Variants in FRMD4A observed in about 807,000 individuals in gnomAD.
The protein encoded by FRMD4A is FERM domain containing 4A.
In FRMD4A, 29 loss-of-function variants were observed where a neutral mutation model predicts 129.1. The observed-to-expected ratio is 0.22, with a 90% CI of 0.17 to 0.31. FRMD4A has a LOEUF of 0.31. FRMD4A is among the 10% of genes least tolerant of loss of function. The pLI, the probability that FRMD4A is intolerant of heterozygous loss-of-function variation, is 1.00. For synonymous variants in FRMD4A, 634 were observed against 571.6 expected (o/e 1.11, Z -1.56); for missense variants, 1,272 against 1,375.8 (o/e 0.92, Z 1.19).
chr10:13,698,100 G>T (rs2086407605), intron 14 of FRMD4A, among the ~76,000 whole-genome samples: 2 of 152,004 alleles, frequency 1.3e-5, no homozygotes, highest in South Asian at 4.2e-4. Context: ...GGGAGGGAGG[G>T]AGAGACAGGC....
At chr10:13,767,491 G>C (rs149576645) in intron 6 of FRMD4A, among the ~76,000 whole-genome samples, 1 of 152,126 alleles carries the variant, frequency 6.6e-6, no homozygotes, top group East Asian at 1.9e-4. Context: ...CACCCACCTC[G>C]GCTTCCCAAA....
In FRMD4A at chr10:13,987,314, C is replaced by G. The variant is rs1474728546; in HGVS notation, c.46-128402G>C. 3.9e-5 allele frequency among the ~76,000 whole-genome samples: 6 copies of G among 151,970 alleles called. No homozygotes were observed. In the South Asian group the frequency reaches 8.3e-4, roughly 21 times the overall value. On this transcript the variant is annotated intron_variant, in intron 2 of 24. Coordinates refer to ENST00000357447, the MANE Select transcript of FRMD4A (RefSeq NM_018027.5). ...CCATATGCAGAATGGAAAATCGACT[C>G]TTAAGAAACTTCCACCCAACTTTTT...
In FRMD4A at chr10:13,943,625, C is replaced by T. The variant is rs576538193; in HGVS notation, c.46-84713G>A. Among the ~76,000 whole-genome samples the T allele has an allele frequency of 4.0e-4, 43 of 106,732 alleles. 1 individual carries two copies. In the Middle Eastern group the frequency reaches 0.042, roughly 103 times the overall value. The allele number at this position is 106,732 out of a possible 152,430, so 70.0% of individuals were successfully genotyped here. A position where few individuals can be genotyped will look rare whatever the true frequency, so the allele number is the denominator to read the frequency against. On this transcript the variant is annotated intron_variant, in intron 2 of 24. Coordinates refer to ENST00000357447, the MANE Select transcript of FRMD4A (RefSeq NM_018027.5). Reference sequence around the variant, plus strand: ...ATCACACCACTGCACTCCAGCCTGGCGACAGAGCAAGACTCTGTCTCAAAA... The same window carrying T: ...ATCACACCACTGCACTCCAGCCTGGTGACAGAGCAAGACTCTGTCTCAAAA...
At chr10:14,232,184 G>C (rs1000672804) in intron 2 of FRMD4A, among the ~76,000 whole-genome samples, 9 of 152,108 alleles carry the variant, frequency 5.9e-5, no homozygotes, top group Non-Finnish European at 1.2e-4. Flanking sequence ...TATTGAATAG[G>C]GAATCCTTTT....
At chr10:13,750,415 G>A (rs377482779) in intron 8 of FRMD4A, among the ~76,000 whole-genome samples, 9 of 152,300 alleles carry the variant, frequency 5.9e-5, no homozygotes, top group African/African-American at 1.7e-4. Context: ...AGGTGCCCAC[G>A]ATTTAGCTGA....
At chr10:13,766,918 C>T (rs1342228573) in intron 6 of FRMD4A, among the ~76,000 whole-genome samples, 2 of 152,078 alleles carry the variant, frequency 1.3e-5, no homozygotes, top group African/African-American at 2.4e-5. Context: ...ACTAAAAACA[C>T]AAAAATTAGT....
At chr10:13,804,242 C>A (rs958096435) in intron 4 of FRMD4A, among the ~76,000 whole-genome samples, 1 of 152,220 alleles carries the variant, frequency 6.6e-6, no homozygotes, top group African/African-American at 2.4e-5. Flanking sequence ...ACGTGGAAAT[C>A]CCAAACCTAT....
chr10:13,993,904 C>A (rs577788041), intron 2 of FRMD4A, among the ~76,000 whole-genome samples: 1 of 151,516 alleles, frequency 6.6e-6, no homozygotes, highest in Admixed American at 6.6e-5. Flanking sequence ...AGCTGGAGGG[C>A]CTGAGGATCT....
At chr10:13,755,164 A>C (rs1020648770) in intron 8 of FRMD4A, among the ~76,000 whole-genome samples, 2 of 152,138 alleles carry the variant, frequency 1.3e-5, no homozygotes, top group Non-Finnish European at 2.9e-5. Context: ...TACTCAAAAA[A>C]AGTCTTTTAG....
At chr10:14,107,952 A>G (rs1424010362) in intron 2 of FRMD4A, among the ~76,000 whole-genome samples, 1 of 152,186 alleles carries the variant, frequency 6.6e-6, no homozygotes, top group African/African-American at 2.4e-5. Context: ...TTGGCAATCC[A>G]TCTTAGGGGC....
chr10:13,963,694 A>G (rs1286569003), intron 2 of FRMD4A, among the ~76,000 whole-genome samples: 1 of 152,242 alleles, frequency 6.6e-6, no homozygotes, highest in Non-Finnish European at 1.5e-5. Flanking sequence ...TTTTCTATAA[A>G]GAAGAAAACA....
chr10:14,264,184 G>A (rs916766076), intron 2 of FRMD4A, among the ~76,000 whole-genome samples: 2 of 152,144 alleles, frequency 1.3e-5, no homozygotes, highest in Non-Finnish European at 2.9e-5. Flanking sequence ...GTTCAGAGAT[G>A]GGGCAACTGG....
In FRMD4A at chr10:13,719,678, T is replaced by C. The variant is rs1424144090; in HGVS notation, c.760-12565A>G. ...AGGGGGAAAAAAAGCCTTACACAGC[T>C]TCCTAAGTATTGGCTGGTTCAGCAG... On this transcript the variant is annotated intron_variant, in intron 12 of 24. Transcript: ENST00000357447. Among the ~76,000 whole-genome samples the C allele has an allele frequency of 3.9e-5, 6 of 152,178 alleles. 1 individual carries two copies. Among genetic ancestry groups the C allele is most frequent in the African/African-American group, 7.2e-5 (3 of 41,452 alleles).
intron 2 of FRMD4A, among the ~76,000 whole-genome samples, chr10:14,197,841 G>T (rs1256140185): frequency 6.6e-6 from 1 of 152,198 alleles, no homozygotes; most frequent in Admixed American, 6.5e-5. Flanking sequence ...CATCATCTAT[G>T]CAACCCTTGA....
At chr10:13,912,559 C>T (rs1209922447) in intron 2 of FRMD4A, among the ~76,000 whole-genome samples, 7 of 129,082 alleles carry the variant, frequency 5.4e-5, no homozygotes, top group Non-Finnish European at 9.3e-5. Context: ...GATGGAGTCT[C>T]GCTCTGTCGC....
At chr10:14,023,847 T>G (rs964872429) in intron 2 of FRMD4A, among the ~76,000 whole-genome samples, 3 of 152,112 alleles carry the variant, frequency 2.0e-5, no homozygotes, top group South Asian at 2.1e-4. Flanking sequence ...GAGGAACTCT[T>G]GGTAACTGAA....
At chr10:13,729,938 T>G (rs2090207970) in intron 12 of FRMD4A, among the ~76,000 whole-genome samples, 1 of 152,250 alleles carries the variant, frequency 6.6e-6, no homozygotes, top group South Asian at 2.1e-4. Context: ...TTTGGAGTTA[T>G]GTGCTTCACA....
chr10:13,662,130 C>G (rs2082683727), intron 19 of FRMD4A, among the ~76,000 whole-genome samples: 1 of 152,198 alleles, frequency 6.6e-6, no homozygotes, highest in South Asian at 2.1e-4. Context: ...AGGAATCTCT[C>G]AATTTTTCTT....
intron 2 of FRMD4A, among the ~76,000 whole-genome samples, chr10:14,014,906 C>T (rs924674735): frequency 1.4e-5 from 2 of 148,106 alleles, no homozygotes; most frequent in African/African-American, 4.9e-5. Flanking sequence ...TTCCCTCCCT[C>T]CCTCCCTTCC....
Sources: allele counts gnomAD v4.1 joint callset (sites outside exome capture counted in the v4.1 genomes callset), GRCh38; gene constraint gnomAD v4.1.1; transcripts MANE v1.5; gene names NCBI Gene and HGNC (gene_info 2026-07-23, HGNC 2026-07-21).